The following CTU2 variants were observed in gnomAD, a reference collection of about 807,000 sequenced individuals.
The protein encoded by CTU2 is cytosolic thiouridylase subunit 2, also known as cytoplasmic tRNA 2-thiolation protein 2.
Under a neutral mutation model 64.1 loss-of-function variants are expected in CTU2, and 80 were observed. The ratio of observed to expected loss-of-function variants is 1.25; its 90% CI spans 1.04 to 1.50. CTU2 has a LOEUF of 1.50. Among genes scored for constraint, CTU2 ranks in the 40% most tolerant of loss-of-function variants. The probability of loss-of-function intolerance (pLI) is 0.00; values close to 1 mark genes in which losing one functional copy is unlikely to be tolerated. For synonymous variants in CTU2, 482 were observed against 285.3 expected, an observed-to-expected ratio of 1.69 and a Z score of -6.95; for missense variants, 1,110 against 690.2, an observed-to-expected ratio of 1.61 and a Z score of -6.81.
rs1911202963 is a variant in CTU2, at chr16:88,710,217, C to A, written c.223-6C>A. The A allele has an allele frequency of 6.2e-7, 1 of 1,613,988 alleles. No individual in the cohort carries two copies. Among genetic ancestry groups the A allele is most frequent in the Non-Finnish European group, 8.5e-7 (1 of 1,179,940 alleles). On this transcript the variant is annotated splice_polypyrimidine_tract_variant and splice_region_variant and intron_variant, in intron 3 of 14. Transcript: ENST00000453996. ...GGTGCCCTGAGTGATGTTTTTTCTCCCCCAGGTGCTCTTGGCGTGGTCTGG... is the reference window on the plus strand; with the variant it reads ...GGTGCCCTGAGTGATGTTTTTTCTCACCCAGGTGCTCTTGGCGTGGTCTGG...
At position 88,710,216 on chromosome 16, in the gene CTU2, C is replaced by T. The variant is rs114994631; in HGVS notation, c.223-7C>T. 3.1e-4 allele frequency: 501 copies of T among 1,613,978 alleles called. 1 individual carries two copies. The African/African-American group carries it at 6.0e-3, about 19-fold the overall frequency. On this transcript the variant is annotated splice_polypyrimidine_tract_variant and splice_region_variant and intron_variant, in intron 3 of 14. Coordinates refer to ENST00000453996, the MANE Select transcript of CTU2 (RefSeq NM_001012759.3). The stretch of plus-strand genomic sequence containing the variant: ...CGGTGCCCTGAGTGATGTTTTTTCT[C>T]CCCCAGGTGCTCTTGGCGTGGTCTG...
chr16:88,711,191 G>A (rs1911291420), intron 4 of CTU2, among the ~76,000 whole-genome samples: 1 of 152,170 alleles, frequency 6.6e-6, no homozygotes. Flanking sequence ...GAGGGAACTG[G>A]CCCAGCCCTC....
At chr16:88,712,494 G>T in intron 6 of CTU2, 111 bp downstream of exon 6, 3 of 1,445,018 alleles carry the variant, frequency 2.1e-6, no homozygotes, top group East Asian at 2.3e-5. Flanking sequence ...GGCTGTCGGT[G>T]GGGGGTGGGA....
rs552920304 is a variant in CTU2 at position 88,711,085 on chromosome 16, G to A, written c.283-550G>A. Among the ~76,000 whole-genome samples the A allele has an allele frequency of 5.3e-5, 8 of 152,342 alleles. No homozygotes were observed. In the South Asian group the frequency reaches 1.7e-3, roughly 32 times the overall value. Reference sequence around the variant, plus strand: ...GGGGTCGGCTTTGCCGGGTTGAGGAGTGGGGTGTTGGTCTCAGGATGGGCG... The same window carrying A: ...GGGGTCGGCTTTGCCGGGTTGAGGAATGGGGTGTTGGTCTCAGGATGGGCG... On this transcript the variant is annotated intron_variant, in intron 4 of 14. Transcript: ENST00000453996.
Position 88,714,892 on chromosome 16 carries a change from TG to T in CTU2, c.1386del (p.Cys463AlafsTer6), listed in dbSNP as rs1319594929. On this transcript the variant is annotated frameshift_variant, in exon 13 of 15. Coordinates refer to ENST00000453996, the MANE Select transcript of CTU2 (RefSeq NM_001012759.3). LOFTEE classifies it high-confidence loss of function. ...EDPQACIEEQ[L>X]CYSCRVNMKD... is the part of the protein sequence containing the mutation. ...CCCCAAGCCTGCATTGAGGAGCAGC[TG>T]TGCTACAGCTGCCGCGTGAACATGA... 6.2e-7 allele frequency: 1 copy of T among 1,612,530 alleles called. No homozygotes were observed. The highest frequency in any genetic ancestry group is 8.5e-7 in the Non-Finnish European group (1 of 1,179,890).
rs1911389944 is a variant in CTU2 at position 88,712,291 on chromosome 16, C to T, written c.361C>T (p.Gln121Ter). ...TTTTTCAGAGGGAGCAGCCTGTGGC[C>T]AGAGCCTAGAGGAGAGATCAAAGAC... ...IFVDEGAACG[Q>*]SLEERSKTLA... The change falls in exon 6 of 15, where the codon CAG (glutamine) becomes TAG (stop). Residue 121 changes from glutamine (Q) to a stop codon, truncating the protein, a stop_gained. Transcript: ENST00000453996. LOFTEE classifies it high-confidence loss of function. 1.2e-6 allele frequency: 2 copies of T among 1,605,190 alleles called. No homozygotes were observed. The highest frequency in any genetic ancestry group is 1.1e-5 in the South Asian group (1 of 89,370).
At chr16:88,712,503 G>A (rs1911412213) in intron 6 of CTU2, 119 bp from the exon 7 acceptor site, 1 of 1,469,518 alleles carries the variant, frequency 6.8e-7, no homozygotes, top group Non-Finnish European at 9.2e-7. Flanking sequence ...TGGGGGGTGG[G>A]AGGCACCTGC....
At position 88,712,691 on chromosome 16, in the gene CTU2, A is replaced by G. The variant is rs1215274988; in HGVS notation, c.523A>G (p.Lys175Glu). ...GCTGGTGGGATCCGAGGGGGCCTACAAGGCGGCCGTGGACAGCTTCCTCCA... is the reference window on the plus strand; with the variant it reads ...GCTGGTGGGATCCGAGGGGGCCTACGAGGCGGCCGTGGACAGCTTCCTCCA... ...QELVGSEGAY[K>E]AAVDSFLQQQ... The change falls in exon 7 of 15, where the codon AAG becomes GAG. Residue 175 changes from lysine to glutamate, a missense_variant. Transcript: ENST00000453996. 6.2e-7 allele frequency: 1 copy of G among 1,610,496 alleles called. No homozygotes were observed. The highest frequency in any genetic ancestry group is 8.5e-7 in the Non-Finnish European group (1 of 1,179,486).
rs750747068 is a variant in CTU2, at chr16:88,713,422, G to C, written c.848G>C (p.Arg283Pro). The C allele has an allele frequency of 1.3e-6, 2 of 1,592,794 alleles. No individual in the cohort carries two copies. The highest frequency in any genetic ancestry group is 1.7e-6 in the Non-Finnish European group (2 of 1,173,402). ...CTCATGACCAACCTGGCGCTGGGTC[G>C]AGGGGCCTTCCTGGCCTGGGATACG... ...IKLMTNLALG[R>P]GAFLAWDTGF... is the part of the protein sequence containing the mutation. The change falls in exon 8 of 15, where the codon CGA becomes CCA. Residue 283 changes from arginine to proline, a missense_variant. Physicochemically the swap from Arg to Pro is moderately radical, Grantham distance 103. Transcript: ENST00000453996.
Position 88,713,338 on chromosome 16 carries a change from G to C in CTU2, c.764G>C (p.Arg255Pro). ...LRTHLILHMA[R>P]AHGYSKVMTG... ...ACCCACCTGATCCTCCACATGGCCC[G>C]AGCCCACGGCTACTCCAAGGTCATG... The change falls in exon 8 of 15, where the codon CGA becomes CCA. Residue 255 changes from arginine (R) to proline (P), a missense_variant. Transcript: ENST00000453996. 1.3e-6 allele frequency: 2 copies of C among 1,592,954 alleles called. No individual in the cohort carries two copies. Among genetic ancestry groups the C allele is most frequent in the Non-Finnish European group, 1.7e-6 (2 of 1,171,708 alleles).
intron 4 of CTU2, 69 bp downstream of exon 4, chr16:88,710,351 G>T (rs1911218379): frequency 6.5e-7 from 1 of 1,539,334 alleles, no homozygotes; most frequent in African/African-American, 1.4e-5. Flanking sequence ...TCCCTTCTCA[G>T]CCTGCTGAGG....
At position 88,711,652 on chromosome 16, in the gene CTU2, T is replaced by C. The variant is rs1280977556; in HGVS notation, c.300T>C (p.Ser100=). ...WQVLEGLSQD[S]AKRLRFVAGV... ...CCCTCTAGGGCCTGAGCCAAGATTC[T>C]GCCAAAAGACTGCGCTTTGTGGCAG... The change falls in exon 5 of 15, where the codon TCT becomes TCC. Residue 100 remains serine, a synonymous_variant. Coordinates refer to ENST00000453996, the MANE Select transcript of CTU2 (RefSeq NM_001012759.3). 2 of 1,606,860 alleles carry C rather than the reference T, an allele frequency of 1.2e-6. No homozygotes were observed. The highest frequency in any genetic ancestry group is 8.5e-7 in the Non-Finnish European group (1 of 1,175,462).
chr16:88,712,101 C>G (rs906993185), intron 5 of CTU2, 173 bp from the exon 6 acceptor site: 1 of 718,770 alleles, frequency 1.4e-6, no homozygotes, highest in East Asian at 2.7e-5. Context: ...TGAGGTCAGC[C>G]GCAAGAGAGA....
chr16:88,714,178 A>C lies in CTU2; in HGVS notation c.1048A>C (p.Ile350Leu). Residue 350 changes from isoleucine (I) to leucine (L), a missense_variant, in exon 10 of 15, where the codon ATC becomes CTC. Coordinates refer to ENST00000453996, the MANE Select transcript of CTU2 (RefSeq NM_001012759.3). ...ASIHRLMEAF[I>L]LRLQTQFPST... ...CATCCACCGGCTGATGGAGGCCTTC[A>C]TCCTCAGGCTGCAGACCCAGTTCCC... 6.2e-7 allele frequency: 1 copy of C among 1,612,718 alleles called. No individual in the cohort carries two copies. Among genetic ancestry groups the C allele is most frequent in the Non-Finnish European group, 8.5e-7 (1 of 1,179,908 alleles).
At chr16:88,712,101 C>T (rs906993185) in intron 5 of CTU2, 173 bp from the exon 6 acceptor site, 15 of 718,652 alleles carry the variant, frequency 2.1e-5, no homozygotes, top group Admixed American at 8.0e-5. Flanking sequence ...TGAGGTCAGC[C>T]GCAAGAGAGA....
rs1911450573 is a variant in CTU2, at chr16:88,712,808, G to C, written c.640G>C (p.Ala214Pro). The C allele has an allele frequency of 1.2e-6, 2 of 1,606,320 alleles. No individual in the cohort carries two copies. Among genetic ancestry groups the C allele is most frequent in the African/African-American group, 1.3e-5 (1 of 74,880 alleles). ...PQPPLDPQNL[A>P]RPPAPAQTEA... Reference sequence around the variant, plus strand: ...GCCCCCGCTGGACCCCCAGAACCTGGCAAGACCGCCTGCCCCTGCCCAGAC... The same window carrying C: ...GCCCCCGCTGGACCCCCAGAACCTGCCAAGACCGCCTGCCCCTGCCCAGAC... Residue 214 changes from alanine to proline, a missense_variant, in exon 7 of 15, where the codon GCA becomes CCA. By Grantham distance (27) the Ala-to-Pro change is conservative (BLOSUM62 -1). Transcript: ENST00000453996.
chr16:88,712,779 C>G lies in CTU2; in HGVS notation c.611C>G (p.Pro204Arg), dbSNP rs141967170. The G allele has an allele frequency of 6.2e-7, 1 of 1,608,022 alleles. No homozygotes were observed. The highest frequency in any genetic ancestry group is 1.3e-5 in the African/African-American group (1 of 74,746). The change falls in exon 7 of 15, where the codon CCC becomes CGC. Residue 204 changes from proline to arginine, a missense_variant. Coordinates refer to ENST00000453996, the MANE Select transcript of CTU2 (RefSeq NM_001012759.3). ...CCGACTCAAGGGGAGGAACAGCCAC[C>G]CCAGCCCCCGCTGGACCCCCAGAAC... ...PGPTQGEEQP[P>R]QPPLDPQNLA... is the part of the protein sequence containing the mutation.
chr16:88,714,492 T>C lies in CTU2; in HGVS notation c.1201+6T>C. On this transcript the variant is annotated splice_donor_region_variant and intron_variant, in intron 11 of 14. Coordinates refer to ENST00000453996, the MANE Select transcript of CTU2 (RefSeq NM_001012759.3). ...CCTGGACGTCGACGCCGCTGGTCTGTGTTTCATGCTCTTGGGGTGATGCGG... is the reference window on the plus strand; with the variant it reads ...CCTGGACGTCGACGCCGCTGGTCTGCGTTTCATGCTCTTGGGGTGATGCGG... 6.2e-7 allele frequency: 1 copy of C among 1,612,534 alleles called. No homozygotes were observed. Among genetic ancestry groups the C allele is most frequent in the African/African-American group, 1.3e-5 (1 of 75,006 alleles).
At position 88,713,681 on chromosome 16, in the gene CTU2, T is replaced by C; in HGVS notation, c.908T>C (p.Val303Ala). Reference protein sequence around the residue: ...FSDERHGDVVVVRPMRDHTLK... With the variant: ...FSDERHGDVVAVRPMRDHTLK... The stretch of plus-strand genomic sequence containing the variant: ...GATGAGCGGCACGGGGACGTGGTGG[T>C]GGTGCGGCCCATGCGGGACCACACC... Residue 303 changes from valine (V) to alanine (A), a missense_variant, in exon 9 of 15, where the codon GTG becomes GCG. Val to Ala is a moderately conservative substitution (Grantham distance 64). Transcript: ENST00000453996. 3.1e-6 allele frequency: 5 copies of C among 1,612,572 alleles called. No homozygotes were observed. Among genetic ancestry groups the C allele is most frequent in the Non-Finnish European group, 4.2e-6 (5 of 1,179,854 alleles).
Sources: gnomAD v4.1 joint callset for allele counts (sites outside exome capture counted in the v4.1 genomes callset) on GRCh38, gnomAD v4.1.1 for gene constraint, MANE v1.5 for transcripts, NCBI Gene and HGNC (gene_info 2026-07-23, HGNC 2026-07-21) for gene names.